Variants in RFTN1 observed in about 807,000 individuals in gnomAD.
RFTN1 encodes the protein raftlin, lipid raft linker 1.
A neutral mutation model predicts 46.5 loss-of-function variants in RFTN1; 26 were observed. The ratio of observed to expected loss-of-function variants is 0.56; its 90% CI spans 0.41 to 0.78. The LOEUF (loss-of-function observed/expected upper bound fraction) is 0.78. Among genes scored for constraint, RFTN1 ranks in the 30% least tolerant of loss-of-function variants. The pLI is 0.00. For synonymous variants in RFTN1, 261 were observed against 284.2 expected (o/e 0.92, Z 0.82); for missense variants, 693 against 718.7 (o/e 0.96, Z 0.41).
chr3:16,438,356 G>A (rs1161719645), intron 2 of RFTN1, among the ~76,000 whole-genome samples: 1 of 151,826 alleles, frequency 6.6e-6, no homozygotes, highest in Non-Finnish European at 1.5e-5. Context: ...AGGCCGAGGC[G>A]GGTGGATCAT....
In RFTN1 at chr3:16,316,660, G is replaced by T; in HGVS notation, c.*168C>A. ...CAGTGGATGTGCAAAAACCAACACT[G>T]TCAGGAACCTGGCCCTGGGAGGGCT... On this transcript the variant is annotated 3_prime_UTR_variant, in exon 10 of 10. Transcript: ENST00000334133. This position sits in a 1 kb window ranked among gnomAD's most constrained non-coding sequence, Gnocchi z 4.5. The T allele has an allele frequency of 1.3e-6, 1 of 747,126 alleles. No homozygotes were observed. Among genetic ancestry groups the T allele is most frequent in the Non-Finnish European group, 2.3e-6 (1 of 438,788 alleles). The allele number at this position is 747,126 out of a possible 1,614,324, so 46.3% of individuals were successfully genotyped here.
chr3:16,388,836 T>C (rs2074276997), intron 4 of RFTN1, among the ~76,000 whole-genome samples: 1 of 152,080 alleles, frequency 6.6e-6, no homozygotes, highest in Admixed American at 6.5e-5. Flanking sequence ...TTTTTTGGAG[T>C]TGCTGAGGTT....
chr3:16,416,251 C>T (rs1259666312), intron 3 of RFTN1: 1 of 455,698 alleles, frequency 2.2e-6, no homozygotes, highest in Non-Finnish European at 4.4e-6. Flanking sequence ...GAACTCGAAT[C>T]CTTAGAGTGT....
Position 16,501,347 on chromosome 3 carries a change from C to T in RFTN1, c.-8-7470G>A, listed in dbSNP as rs115052239. On this transcript the variant is annotated intron_variant, in intron 1 of 9. Transcript: ENST00000334133. Reference sequence around the variant, plus strand: ...CTGGAAAACCACTTCAAAAGGATCACCTTCTTAAAAGACTATTTTTCAGCT... The same window carrying T: ...CTGGAAAACCACTTCAAAAGGATCATCTTCTTAAAAGACTATTTTTCAGCT... 4.9e-3 allele frequency among the ~76,000 whole-genome samples: 753 copies of T among 152,290 alleles called. 5 individuals carry two copies. The highest frequency in any genetic ancestry group is 0.016 in the African/African-American group (652 of 41,558).
chr3:16,372,072 G>T (rs951201074), intron 5 of RFTN1, among the ~76,000 whole-genome samples: 2 of 152,196 alleles, frequency 1.3e-5, no homozygotes, highest in Non-Finnish European at 2.9e-5. Flanking sequence ...CAAGGTTTTA[G>T]TGAGTTCTTG....
rs946240128 is a variant in RFTN1, at chr3:16,499,154, C to T, written c.-8-5277G>A. ...GTAGAAGGACATCTCTCACATGGGT[C>T]AAAGTCTCTAGTAAGGTGGAAGGTA... On this transcript the variant is annotated intron_variant, in intron 1 of 9. Transcript: ENST00000334133. This position sits in a 1 kb window ranked among gnomAD's most constrained non-coding sequence, Gnocchi z 4.9. Among the ~76,000 whole-genome samples the T allele has an allele frequency of 2.0e-5, 3 of 152,150 alleles. No homozygotes were observed. Among genetic ancestry groups the T allele is most frequent in the African/African-American group, 7.2e-5 (3 of 41,432 alleles).
intron 7 of RFTN1, among the ~76,000 whole-genome samples, chr3:16,333,529 A>G (rs1167355774): frequency 6.6e-6 from 1 of 152,244 alleles, no homozygotes; most frequent in Non-Finnish European, 1.5e-5. Context: ...CAGAAAAGAA[A>G]TAGATGCCTG....
intron 2 of RFTN1, chr3:16,482,962 G>A: frequency 1.4e-6 from 1 of 732,390 alleles, no homozygotes; most frequent in Non-Finnish European, 2.2e-6. Context: ...GCAGTATCAA[G>A]GGCTGCTTAG....
chr3:16,317,263 C>G lies in RFTN1; in HGVS notation c.1333-31G>C. 2 of 1,605,116 alleles carry G rather than the reference C, an allele frequency of 1.2e-6. No homozygotes were observed. Among genetic ancestry groups the G allele is most frequent in the Non-Finnish European group, 1.7e-6 (2 of 1,179,230 alleles). On this transcript the variant is annotated intron_variant, in intron 9 of 9. Transcript: ENST00000334133. The surrounding 1 kb of genome is among the most constrained non-coding windows in gnomAD (Gnocchi z 4.3). ...AATCAGAAAGGATGGGGATAAATAA[C>G]AAGCCTCCGGGAACCCAGAGCTTCA...
intron 1 of RFTN1, among the ~76,000 whole-genome samples, chr3:16,501,123 C>T (rs989318384): frequency 7.2e-5 from 11 of 152,104 alleles, no homozygotes; most frequent in Admixed American, 6.5e-4. Context: ...AGTGACAGAG[C>T]AAGACTTGTC....
intron 7 of RFTN1, among the ~76,000 whole-genome samples, chr3:16,343,969 T>C (rs919773337): frequency 5.9e-5 from 9 of 152,222 alleles, no homozygotes; most frequent in African/African-American, 2.2e-4. Flanking sequence ...AAAGTGAAGA[T>C]CTGAGGTGGA....
At chr3:16,377,648 C>T in intron 5 of RFTN1, 70 bp downstream of exon 5, 2 of 1,514,940 alleles carry the variant, frequency 1.3e-6, no homozygotes, top group Non-Finnish European at 1.8e-6. Context: ...TCTGAGATAC[C>T]ATGGGGATTA....
At chr3:16,328,307 G>A (rs983299276) in intron 7 of RFTN1, among the ~76,000 whole-genome samples, 8 of 152,204 alleles carry the variant, frequency 5.3e-5, no homozygotes, top group African/African-American at 1.4e-4. Flanking sequence ...CAGAGGCAGC[G>A]CGCGTGACCA....
intron 2 of RFTN1, among the ~76,000 whole-genome samples, chr3:16,436,126 T>C (rs1331703696): frequency 6.6e-6 from 1 of 151,824 alleles, no homozygotes; most frequent in Admixed American, 6.6e-5. Context: ...TCTTATTATG[T>C]AATTTGTATT....
Position 16,500,962 on chromosome 3 carries a change from C to A in RFTN1, c.-8-7085G>T, listed in dbSNP as rs560951301. Among the ~76,000 whole-genome samples, 63 of 152,268 alleles carry A rather than the reference C, an allele frequency of 4.1e-4. No homozygotes were observed. Among genetic ancestry groups the A allele is most frequent in the African/African-American group, 1.5e-3 (61 of 41,560 alleles). On this transcript the variant is annotated intron_variant, in intron 1 of 9. Transcript: ENST00000334133. The surrounding 1 kb of genome is among the most constrained non-coding windows in gnomAD (Gnocchi z 5.9). ...AGTCTGGACAGAATGCGGGAGCATTCGGAACAAATCGCTGTTATATAAAAC... is the reference window on the plus strand; with the variant it reads ...AGTCTGGACAGAATGCGGGAGCATTAGGAACAAATCGCTGTTATATAAAAC...
In RFTN1 at chr3:16,468,343, G is replaced by T. The variant is rs1242048083; in HGVS notation, c.145+25382C>A. Among the ~76,000 whole-genome samples the T allele has an allele frequency of 2.0e-5, 3 of 152,110 alleles. No individual in the cohort carries two copies. The highest frequency in any genetic ancestry group is 2.0e-4 in the Admixed American group (3 of 15,274). ...ACCTGCATTCTGTCTCGAGTTTCCGGTAGATAAGTAGGGCTCCCTTAGATG... is the reference window on the plus strand; with the variant it reads ...ACCTGCATTCTGTCTCGAGTTTCCGTTAGATAAGTAGGGCTCCCTTAGATG... On this transcript the variant is annotated intron_variant, in intron 2 of 9. Transcript: ENST00000334133. The surrounding 1 kb of genome is among the most constrained non-coding windows in gnomAD (Gnocchi z 4.4).
At chr3:16,472,366 T>C (rs2076214422) in intron 2 of RFTN1, among the ~76,000 whole-genome samples, 2 of 152,124 alleles carry the variant, frequency 1.3e-5, no homozygotes, top group African/African-American at 2.4e-5. Flanking sequence ...AAACACTAAC[T>C]GCAAAGAAGA....
intron 2 of RFTN1, chr3:16,454,816 G>A (rs557066442): frequency 5.4e-5 from 53 of 984,160 alleles, no homozygotes; most frequent in Admixed American, 2.5e-4. Context: ...GGAAGGCAGG[G>A]ACTTTGTCTT....
chr3:16,333,240 T>C (rs1384877074), intron 7 of RFTN1, among the ~76,000 whole-genome samples: 1 of 152,230 alleles, frequency 6.6e-6, no homozygotes, highest in East Asian at 1.9e-4. Flanking sequence ...GCACTATGTG[T>C]ACCACAAAAA....
Sources: allele counts gnomAD v4.1 joint callset (sites outside exome capture counted in the v4.1 genomes callset), GRCh38; gene constraint gnomAD v4.1.1; non-coding constraint Gnocchi (gnomAD v3.1); transcripts MANE v1.5; gene names NCBI Gene and HGNC (gene_info 2026-07-23, HGNC 2026-07-21).